TCIRG1: variants seen among roughly 807,000 people sequenced by gnomAD.
TCIRG1 encodes T cell immune regulator 1, ATPase H+ transporting V0 subunit a3, also known as V-type proton ATPase 116 kDa subunit a 3.
Under a neutral mutation model 95.5 loss-of-function variants are expected in TCIRG1, and 86 were observed. The ratio of observed to expected loss-of-function variants is 0.90; its 90% CI spans 0.76 to 1.08. TCIRG1 has a LOEUF of 1.08. Among genes scored for constraint, TCIRG1 ranks in the 50% least tolerant of loss-of-function variants. TCIRG1 has a pLI of 0.00. For missense variants in TCIRG1, 1,069 were observed against 1,140.2 expected, an observed-to-expected ratio of 0.94 and a Z score of 0.90; for synonymous variants, 499 against 501.3, an observed-to-expected ratio of 1.00 and a Z score of 0.06.
chr11:68,048,176 C>CCCT, intron 13 of TCIRG1: 1 of 644,102 alleles, frequency 1.6e-6, no homozygotes, highest in East Asian at 2.8e-5. Context: ...AAAGCGAGAC[C>CCCT]AGCCAGGAAC....
intron 15 of TCIRG1, 117 bp from the exon 16 acceptor site, chr11:68,049,546 G>A: frequency 7.0e-7 from 1 of 1,419,150 alleles, no homozygotes; most frequent in Admixed American, 2.0e-5. Context: ...GGAGCCCCCG[G>A]GGGCCCTGGA....
rs748607719 is a variant in TCIRG1 at position 68,050,457 on chromosome 11, G to A, written c.2237-30G>A. 7.9e-5 allele frequency: 127 copies of A among 1,611,762 alleles called. 1 individual carries two copies. The highest frequency in any genetic ancestry group is 9.9e-5 in the Non-Finnish European group (117 of 1,179,956). On this transcript the variant is annotated intron_variant, in intron 18 of 19. Transcript: ENST00000265686. ...GGGGGCTGGCAGGCACCCACTTGCC[G>A]TTGGCCCCCACTGTCTCCTTTGCTT...
At chr11:68,048,062 G>A in intron 13 of TCIRG1, 90 bp downstream of exon 13, 1 of 1,149,434 alleles carries the variant, frequency 8.7e-7, no homozygotes, top group Non-Finnish European at 1.3e-6. Flanking sequence ...CTGCAGCGCT[G>A]TCGCTGAGCA....
At position 68,041,338 on chromosome 11, in the gene TCIRG1, T is replaced by G; in HGVS notation, c.67T>G (p.Tyr23Asp). The G allele has an allele frequency of 6.2e-7, 1 of 1,613,210 alleles. No individual in the cohort carries two copies. Among genetic ancestry groups the G allele is most frequent in the Non-Finnish European group, 8.5e-7 (1 of 1,179,934 alleles). ...VQLFLPTAAAYTCVSRLGELG... is the reference protein window; with the variant it reads ...VQLFLPTAAADTCVSRLGELG... ...GCTCTTTCTGCCCACAGCGGCTGCC[T>G]ACACCTGCGTGAGTCGGCTGGGCGA... Residue 23 changes from tyrosine to aspartate, a missense_variant, in exon 2 of 20, where the codon TAC becomes GAC. Coordinates refer to ENST00000265686, the MANE Select transcript of TCIRG1 (RefSeq NM_006019.4).
At position 68,049,077 on chromosome 11, in the gene TCIRG1, C is replaced by A; in HGVS notation, c.1674-4C>A. 6.2e-7 allele frequency: 1 copy of A among 1,613,342 alleles called. No homozygotes were observed. Among genetic ancestry groups the A allele is most frequent in the Non-Finnish European group, 8.5e-7 (1 of 1,179,994 alleles). On this transcript the variant is annotated splice_region_variant and splice_polypyrimidine_tract_variant and intron_variant, in intron 14 of 19. Coordinates refer to ENST00000265686, the MANE Select transcript of TCIRG1 (RefSeq NM_006019.4). ...AGTGAGCACACCTCCCTCTTGCCCG[C>A]CAGGCACTTTGGCCAGAGGCACCGG...
At chr11:68,051,048 G>T, downstream of TCIRG1, 5 of 600,472 alleles carry the variant, frequency 8.3e-6, no homozygotes, top group Non-Finnish European at 1.5e-5. Flanking sequence ...GCAGAAAAGG[G>T]CCAAGGAGAG....
chr11:68,044,825 G>T (rs760009864), intron 9 of TCIRG1, 133 bp from the exon 10 acceptor site: 3 of 1,144,568 alleles, frequency 2.6e-6, no homozygotes, highest in Non-Finnish European at 3.8e-6. Flanking sequence ...ATCATCTCAC[G>T]TCAGAGAGAG....
intron 2 of TCIRG1, 31 bp downstream of exon 2, chr11:68,041,419 G>A (rs1855155319): frequency 6.7e-7 from 1 of 1,501,210 alleles, no homozygotes; most frequent in Non-Finnish European, 9.2e-7. Flanking sequence ...TGGGAAGGGG[G>A]CTACTGCCAA....
intron 10 of TCIRG1, chr11:68,046,796 G>A (rs950174326): frequency 8.9e-6 from 4 of 448,120 alleles, no homozygotes; most frequent in African/African-American, 2.0e-5. Context: ...GCTGCCTGTG[G>A]CTCCCTGTCC....
Position 68,049,405 on chromosome 11 carries a change from C to T in TCIRG1, c.1887+111C>T, listed in dbSNP as rs1237272729. The stretch of plus-strand genomic sequence containing the variant: ...GTCCGAGAAACGGGGATGCAGGCCC[C>T]GGGCCGTGCAGACAGGGCCGTCAGA... On this transcript the variant is annotated intron_variant, in intron 15 of 19. Coordinates refer to ENST00000265686, the MANE Select transcript of TCIRG1 (RefSeq NM_006019.4). 1.5e-5 allele frequency: 19 copies of T among 1,227,724 alleles called. No individual in the cohort carries two copies. The Admixed American group carries it at 2.7e-4, about 18-fold the overall frequency. 76.1% of individuals were successfully genotyped at this position (1,227,724 alleles called of 1,614,324 possible).
At chr11:68,044,466 C>G in intron 9 of TCIRG1, 122 bp downstream of exon 9, 2 of 804,018 alleles carry the variant, frequency 2.5e-6, no homozygotes, top group Non-Finnish European at 2.0e-6. Context: ...TCCTTCTCCT[C>G]CCAGCCTCCT....
chr11:68,043,468 C>T lies in TCIRG1; in HGVS notation c.601C>T (p.Leu201=). Residue 201 remains leucine, a synonymous_variant, in exon 6 of 20, where the codon CTG becomes TTG. Coordinates refer to ENST00000265686, the MANE Select transcript of TCIRG1 (RefSeq NM_006019.4). ...RGFLIASFRE[L]EQPLEHPVTG... is the part of the protein sequence containing the mutation. ...CTTCCTCATTGCCAGCTTCAGGGAG[C>T]TGGAGCAGCCGCTGGAGCACCCCGT... 6.4e-7 allele frequency: 1 copy of T among 1,556,496 alleles called. No homozygotes were observed. Among genetic ancestry groups the T allele is most frequent in the Non-Finnish European group, 8.7e-7 (1 of 1,150,712 alleles).
intron 10 of TCIRG1, chr11:68,047,002 G>GTTT (rs1554997228): frequency 2.7e-6 from 1 of 369,984 alleles, no homozygotes; most frequent in Non-Finnish European, 5.0e-6. Flanking sequence ...CTAAGTGGTG[G>GTTT]GTTCTTTTTT....
chr11:68,049,394 GA>G lies in TCIRG1; in HGVS notation c.1887+101del, dbSNP rs920431860. The stretch of plus-strand genomic sequence containing the variant: ...GCAAGATCCTCGTCCGAGAAACGGG[GA>G]TGCAGGCCCCGGGCCGTGCAGACAG... On this transcript the variant is annotated intron_variant, in intron 15 of 19. Transcript: ENST00000265686. The G allele has an allele frequency of 4.1e-5, 53 of 1,307,078 alleles. No homozygotes were observed. In the African/African-American group the frequency reaches 7.1e-4, roughly 17 times the overall value. The allele number at this position is 1,307,078 out of a possible 1,614,324, so 81.0% of individuals were successfully genotyped here.
rs764930810 is a variant in TCIRG1 at position 68,050,784 on chromosome 11, C to CT, written c.2459dup (p.Ser821GlufsTer10). On this transcript the variant is annotated frameshift_variant, in exon 20 of 20. Transcript: ENST00000265686. LOFTEE classifies it high-confidence loss of function. ...GTTCTACTCAGGCACGGGCTACAAGCTGAGTCCCTTCACCTTCGCTGCCAC... is the reference window on the plus strand; with the variant it reads ...GTTCTACTCAGGCACGGGCTACAAGCTTGAGTCCCTTCACCTTCGCTGCCAC... 1.9e-6 allele frequency: 3 copies of CT among 1,613,852 alleles called. No individual in the cohort carries two copies. The South Asian group carries it at 3.3e-5, about 18-fold the overall frequency.
rs192007483 is a variant in TCIRG1, at chr11:68,042,534, A to G, written c.197-109A>G. 1,091 of 911,076 alleles carry G rather than the reference A, an allele frequency of 1.2e-3. 6 individuals carry two copies. The African/African-American group carries it at 0.015, about 12-fold the overall frequency. 56.4% of individuals were successfully genotyped at this position (911,076 alleles called of 1,614,324 possible). The stretch of plus-strand genomic sequence containing the variant: ...TGGCCGGGATTTTCTGGCCACCTCC[A>G]CCTGGTGAATCCAGCAGCTGGTGGC... On this transcript the variant is annotated intron_variant, in intron 3 of 19. Coordinates refer to ENST00000265686, the MANE Select transcript of TCIRG1 (RefSeq NM_006019.4).
chr11:68,051,707 G>C (rs1855803822), downstream of TCIRG1, among the ~76,000 whole-genome samples: 1 of 152,228 alleles, frequency 6.6e-6, no homozygotes, highest in South Asian at 2.1e-4. Flanking sequence ...AGCAGATTCA[G>C]CTTAGAGAAA....
rs1035175024 is a variant in TCIRG1 at position 68,047,261 on chromosome 11, C to G, written c.1166-172C>G. The stretch of plus-strand genomic sequence containing the variant: ...CCTGACCTCGGGTGATGCCCCCCCC[C>G]CCCCCCGTCTCGGCCTCCCAGAGTG... On this transcript the variant is annotated intron_variant, in intron 10 of 19. Transcript: ENST00000265686. 2.7e-4 allele frequency among the ~76,000 whole-genome samples: 29 copies of G among 108,144 alleles called. 4 individuals are homozygous for G. Among genetic ancestry groups the G allele is most frequent in the East Asian group, 1.9e-3 (7 of 3,606 alleles). 70.9% of individuals were successfully genotyped at this position (108,144 alleles called of 152,430 possible).
chr11:68,039,828 C>G (rs1366228271), intron 1 of TCIRG1: 2 of 151,672 alleles, frequency 1.3e-5, no homozygotes, highest in Non-Finnish European at 2.9e-5. Flanking sequence ...CTGGAAGGAG[C>G]CCGGCCCTCG....
Sources: allele counts gnomAD v4.1 joint callset (sites outside exome capture counted in the v4.1 genomes callset), GRCh38; gene constraint gnomAD v4.1.1; transcripts MANE v1.5; gene names NCBI Gene and HGNC (gene_info 2026-07-23, HGNC 2026-07-21).